Variants in GRID2 observed in about 807,000 individuals in gnomAD.
The protein encoded by GRID2 is glutamate receptor ionotropic, delta-2.
In GRID2, 33 loss-of-function variants were observed where a neutral mutation model predicts 114.8. The observed-to-expected ratio is 0.29, with a 90% CI of 0.22 to 0.38. The LOEUF (loss-of-function observed/expected upper bound fraction) is 0.38, where lower values mean the gene tolerates loss of function less well. Ranked by LOEUF, GRID2 falls within the 10% of genes least tolerant of loss-of-function variation. The pLI is 1.00. For synonymous variants in GRID2, 505 were observed against 449.9 expected, an observed-to-expected ratio of 1.12 and a Z score of -1.55; for missense variants, 1,184 against 1,257.7, an observed-to-expected ratio of 0.94 and a Z score of 0.89.
Position 92,906,148 on chromosome 4 carries a change from T to C in GRID2, c.245-178847T>C, listed in dbSNP as rs115930038. On this transcript the variant is annotated intron_variant, in intron 2 of 15. Coordinates refer to ENST00000282020, the MANE Select transcript of GRID2 (RefSeq NM_001510.4). ...AAATAAACATAGTGCCTCTTTTGAA[T>C]ATGTAAGTATTTTTAGTGACAATTT... Among the ~76,000 whole-genome samples the C allele has an allele frequency of 2.8e-3, 432 of 152,322 alleles. 1 individual carries two copies. The highest frequency in any genetic ancestry group is 6.8e-3 in the Middle Eastern group (2 of 294).
intron 2 of GRID2, among the ~76,000 whole-genome samples, chr4:92,733,843 C>T (rs567289635): frequency 5.6e-4 from 85 of 152,134 alleles, no homozygotes; most frequent in South Asian, 4.4e-3. Context: ...CAAATCTGAA[C>T]GTTGATGGAG....
chr4:93,365,061 G>T (rs1302879215), intron 8 of GRID2, among the ~76,000 whole-genome samples: 1 of 151,212 alleles, frequency 6.6e-6, no homozygotes, highest in Non-Finnish European at 1.5e-5. Flanking sequence ...TATTCTCTTT[G>T]TTGGTTCTCT....
At chr4:93,731,619 A>T (rs754359480) in intron 14 of GRID2, among the ~76,000 whole-genome samples, 28 of 152,168 alleles carry the variant, frequency 1.8e-4, no homozygotes, top group Non-Finnish European at 3.7e-4. Context: ...AAGCCCCAGG[A>T]CCTGGGGTGA....
chr4:93,262,792 T>C (rs1216254185), intron 8 of GRID2, among the ~76,000 whole-genome samples: 3 of 149,596 alleles, frequency 2.0e-5, no homozygotes, highest in African/African-American at 7.3e-5. Context: ...TTTTTGCCCT[T>C]TTAAGTGTTG....
At chr4:92,949,085 C>A (rs1309743011) in intron 2 of GRID2, among the ~76,000 whole-genome samples, 4 of 149,676 alleles carry the variant, frequency 2.7e-5, no homozygotes, top group African/African-American at 7.4e-5. Context: ...AAGAAGACAA[C>A]CAAAAAAGAT....
chr4:92,638,467 G>GTATAATA lies in GRID2; in HGVS notation c.244+48194_244+48200dup, dbSNP rs1560503807. On this transcript the variant is annotated intron_variant, in intron 2 of 15. Transcript: ENST00000282020. ...TAAATAATATATAAAATACATATAT[G>GTATAATA]TATAATATATAATATATAAAATAAA... Among the ~76,000 whole-genome samples the GTATAATA allele has an allele frequency of 3.4e-5, 5 of 147,220 alleles. 1 individual carries two copies. The South Asian group carries it at 1.1e-3, about 31-fold the overall frequency.
intron 2 of GRID2, among the ~76,000 whole-genome samples, chr4:93,001,361 T>G (rs975717743): frequency 2.0e-5 from 3 of 151,764 alleles, no homozygotes; most frequent in East Asian, 3.9e-4. Context: ...AAGCTTATGA[T>G]AGAACAAGGA....
intron 2 of GRID2, among the ~76,000 whole-genome samples, chr4:92,612,176 AT>A (rs1163886433): frequency 6.6e-6 from 1 of 151,472 alleles, no homozygotes; most frequent in Non-Finnish European, 1.5e-5. Context: ...CTGTTTTGGC[AT>A]GGGGAAATCC....
At chr4:92,462,872 G>A (rs890916548) in intron 1 of GRID2, among the ~76,000 whole-genome samples, 6 of 151,916 alleles carry the variant, frequency 3.9e-5, no homozygotes, top group African/African-American at 1.4e-4. Context: ...TTCTATGGAG[G>A]GCCATGTGAC....
chr4:92,842,802 A>G (rs1743006530), intron 2 of GRID2, among the ~76,000 whole-genome samples: 1 of 152,140 alleles, frequency 6.6e-6, no homozygotes, highest in African/African-American at 2.4e-5. Flanking sequence ...TGACTGACAG[A>G]AAAACAGATC....
chr4:93,602,420 G>A (rs1475958205), intron 13 of GRID2, among the ~76,000 whole-genome samples: 3 of 152,170 alleles, frequency 2.0e-5, no homozygotes, highest in Non-Finnish European at 4.4e-5. Context: ...AAGGTTTGCA[G>A]CAGCCCTGCA....
intron 2 of GRID2, among the ~76,000 whole-genome samples, chr4:92,819,290 A>T (rs979138664): frequency 2.0e-5 from 3 of 152,100 alleles, no homozygotes; most frequent in Non-Finnish European, 4.4e-5. Context: ...TCCACCACAG[A>T]CAAATTCAAC....
At chr4:93,487,133 T>C (rs1726495266) in intron 11 of GRID2, among the ~76,000 whole-genome samples, 1 of 151,842 alleles carries the variant, frequency 6.6e-6, no homozygotes, top group African/African-American at 2.4e-5. Flanking sequence ...CTATTATCTG[T>C]AACATCTGTA....
rs558938221 is a variant in GRID2, at chr4:92,975,963, G to C, written c.245-109032G>C. On this transcript the variant is annotated intron_variant, in intron 2 of 15. Transcript: ENST00000282020. ...AGACACATATACATATATGATATTTGTGTCTTTGTTGTACTCATTGAACTG... is the reference window on the plus strand; with the variant it reads ...AGACACATATACATATATGATATTTCTGTCTTTGTTGTACTCATTGAACTG... Among the ~76,000 whole-genome samples, 263 of 152,078 alleles carry C rather than the reference G, an allele frequency of 1.7e-3. 1 individual carries two copies. Among genetic ancestry groups the C allele is most frequent in the African/African-American group, 6.2e-3 (258 of 41,516 alleles).
At chr4:92,896,294 G>C (rs1252815197) in intron 2 of GRID2, among the ~76,000 whole-genome samples, 2 of 152,156 alleles carry the variant, frequency 1.3e-5, no homozygotes, top group African/African-American at 4.8e-5. Context: ...GTGATTTCTT[G>C]AGAATTAAGA....
At chr4:93,038,750 C>T (rs996158377) in intron 2 of GRID2, among the ~76,000 whole-genome samples, 15 of 151,806 alleles carry the variant, frequency 9.9e-5, no homozygotes, top group Non-Finnish European at 1.6e-4. Context: ...GAGATTGTGC[C>T]ACTGCACTCC....
At chr4:92,723,280 G>C (rs1735898885) in intron 2 of GRID2, among the ~76,000 whole-genome samples, 1 of 152,016 alleles carries the variant, frequency 6.6e-6, no homozygotes, top group Admixed American at 6.6e-5. Context: ...GATTTGAAGT[G>C]CTTTTACTTT....
chr4:93,364,975 GAA>G (rs1395033171), intron 8 of GRID2, among the ~76,000 whole-genome samples: 2 of 152,076 alleles, frequency 1.3e-5, no homozygotes, highest in Non-Finnish European at 2.9e-5. Context: ...TTCTGCAGTA[GAA>G]GTTTGTCTTT....
At chr4:93,069,126 CA>C (rs910087646) in intron 2 of GRID2, among the ~76,000 whole-genome samples, 4 of 151,858 alleles carry the variant, frequency 2.6e-5, no homozygotes, top group Non-Finnish European at 4.4e-5. Context: ...AAGCCACCAC[CA>C]TGAACCAATC....
Sources: allele counts gnomAD v4.1 joint callset (sites outside exome capture counted in the v4.1 genomes callset), GRCh38; gene constraint gnomAD v4.1.1; transcripts MANE v1.5; gene names NCBI Gene and HGNC (gene_info 2026-07-23, HGNC 2026-07-21).